The following TMTC1 variants were observed in gnomAD, a reference collection of about 807,000 sequenced individuals.
TMTC1 encodes transmembrane O-mannosyltransferase targeting cadherins 1, also known as protein O-mannosyl-transferase TMTC1.
In TMTC1, 73 loss-of-function variants were observed where a neutral mutation model predicts 104.8. The observed-to-expected ratio is 0.70, with a 90% CI of 0.58 to 0.85. TMTC1 has a LOEUF of 0.85. Ranked by LOEUF, TMTC1 falls within the 40% of genes least tolerant of loss-of-function variation. The pLI, the probability that TMTC1 is intolerant of heterozygous loss-of-function variation, is 0.00. For synonymous variants in TMTC1, 434 were observed against 428.7 expected, an observed-to-expected ratio of 1.01 and a Z score of -0.15; for missense variants, 1,035 against 1,096.1, an observed-to-expected ratio of 0.94 and a Z score of 0.79.
At chr12:29,564,843 TG>T (rs1244410993) in intron 9 of TMTC1, among the ~76,000 whole-genome samples, 1 of 152,000 alleles carries the variant, frequency 6.6e-6, no homozygotes, top group Non-Finnish European at 1.5e-5. Flanking sequence ...TAAATATTAA[TG>T]GGAAAGTGCC....
chr12:29,714,794 C>A (rs753218910), intron 5 of TMTC1, among the ~76,000 whole-genome samples: 20 of 152,098 alleles, frequency 1.3e-4, no homozygotes, highest in Non-Finnish European at 2.8e-4. Flanking sequence ...GGCTCAGACT[C>A]CCCAGGGAAA....
chr12:29,556,773 G>A lies in TMTC1; in HGVS notation c.1676+84C>T, dbSNP rs1945255347. 7 of 1,559,858 alleles carry A rather than the reference G, an allele frequency of 4.5e-6. No individual in the cohort carries two copies. The South Asian group carries it at 4.7e-5, about 10-fold the overall frequency. ...TATTCAGCTCCAGAGAGAGGCAAGT[G>A]CAGCACAATCAAATGAGTGTTGAGA... On this transcript the variant is annotated intron_variant, in intron 10 of 17. Transcript: ENST00000539277.
chr12:29,524,994 G>T (rs1944294523), intron 11 of TMTC1, among the ~76,000 whole-genome samples: 1 of 151,902 alleles, frequency 6.6e-6, no homozygotes, highest in Non-Finnish European at 1.5e-5. Context: ...TCCATGTCTA[G>T]GATGCCATTT....
chr12:29,776,681 T>G (rs1943715720), intron 1 of TMTC1, among the ~76,000 whole-genome samples: 1 of 152,042 alleles, frequency 6.6e-6, no homozygotes, highest in South Asian at 2.1e-4. Flanking sequence ...TACACTGTAG[T>G]GAGGGGAGGT....
chr12:29,614,798 AG>A (rs1359399274), intron 6 of TMTC1, among the ~76,000 whole-genome samples: 1 of 152,252 alleles, frequency 6.6e-6, no homozygotes, highest in Non-Finnish European at 1.5e-5. Flanking sequence ...TTCTTGGAAA[AG>A]TCTTACAAGG....
chr12:29,608,875 T>C (rs965892597), intron 6 of TMTC1, among the ~76,000 whole-genome samples: 11 of 152,198 alleles, frequency 7.2e-5, no homozygotes, highest in Admixed American at 2.6e-4. Context: ...TCCAGCCTAG[T>C]AGCTTCTGGT....
intron 7 of TMTC1, 100 bp from the exon 8 acceptor site, chr12:29,583,674 T>C: frequency 8.9e-7 from 1 of 1,127,896 alleles, no homozygotes; most frequent in Non-Finnish European, 1.2e-6. Context: ...AAGCTTGTCC[T>C]GTGCTAGAGA....
intron 6 of TMTC1, among the ~76,000 whole-genome samples, chr12:29,617,063 A>C (rs1947001405): frequency 6.6e-6 from 1 of 152,142 alleles, no homozygotes; most frequent in East Asian, 1.9e-4. Flanking sequence ...CTCCAAATGC[A>C]CTGTCCTATA....
At chr12:29,568,904 C>T (rs749952617) in intron 9 of TMTC1, 9 of 455,758 alleles carry the variant, frequency 2.0e-5, no homozygotes, top group South Asian at 6.2e-5. Context: ...ACCGAACAGT[C>T]GGAGAGCTCT....
At position 29,504,844 on chromosome 12, in the gene TMTC1, G is replaced by A. The variant is rs74583253; in HGVS notation, c.*2002C>T. 6 of 152,252 alleles carry A rather than the reference G, an allele frequency of 3.9e-5. No homozygotes were observed. The highest frequency in any genetic ancestry group is 2.0e-4 in the Admixed American group (3 of 15,296). 9.4% of individuals were successfully genotyped at this position (152,252 alleles called of 1,614,324 possible). A position where few individuals can be genotyped will look rare whatever the true frequency, so the allele number is the denominator to read the frequency against. The stretch of plus-strand genomic sequence containing the variant: ...ATGAGTTTTCATTACAGATTATTCT[G>A]AAAAGTTGTAATAAAGTCCTAGACA... On this transcript the variant is annotated 3_prime_UTR_variant, in exon 18 of 18. Coordinates refer to ENST00000539277, the MANE Select transcript of TMTC1 (RefSeq NM_001193451.2).
chr12:29,648,196 T>C (rs1303498293), intron 5 of TMTC1, among the ~76,000 whole-genome samples: 2 of 152,170 alleles, frequency 1.3e-5, no homozygotes, highest in Non-Finnish European at 2.9e-5. Context: ...ATAAAAAACA[T>C]GGAAGCAGAA....
At chr12:29,710,479 T>C (rs1037977691) in intron 5 of TMTC1, among the ~76,000 whole-genome samples, 6 of 150,504 alleles carry the variant, frequency 4.0e-5, no homozygotes, top group Non-Finnish European at 7.4e-5. Flanking sequence ...TGTCATGATC[T>C]ACCTGAACCT....
intron 10 of TMTC1, among the ~76,000 whole-genome samples, chr12:29,537,051 T>C (rs1401386897): frequency 6.6e-6 from 1 of 152,208 alleles, no homozygotes; most frequent in African/African-American, 2.4e-5. Context: ...GAGGAGACAT[T>C]GGGTCATTAT....
At chr12:29,746,356 A>C (rs1942955467) in intron 5 of TMTC1, among the ~76,000 whole-genome samples, 1 of 152,218 alleles carries the variant, frequency 6.6e-6, no homozygotes, top group Non-Finnish European at 1.5e-5. Context: ...GTTATTATTC[A>C]TCAATAATAC....
intron 5 of TMTC1, among the ~76,000 whole-genome samples, chr12:29,685,017 A>G (rs1291556058): frequency 2.0e-5 from 3 of 152,120 alleles, no homozygotes; most frequent in Non-Finnish European, 4.4e-5. Context: ...CTAAGAAACT[A>G]CTTTTTAAAA....
At chr12:29,695,042 G>A (rs1177067976) in intron 5 of TMTC1, among the ~76,000 whole-genome samples, 1 of 152,126 alleles carries the variant, frequency 6.6e-6, no homozygotes, top group Non-Finnish European at 1.5e-5. Context: ...CACTCCCTCT[G>A]AAGGCCCTAG....
chr12:29,737,421 G>C (rs1251908429), intron 5 of TMTC1, among the ~76,000 whole-genome samples: 3 of 152,202 alleles, frequency 2.0e-5, no homozygotes, highest in African/African-American at 7.2e-5. Context: ...GGTAGGCTGA[G>C]GAGAATCACT....
chr12:29,563,239 AC>A (rs1461247812), intron 9 of TMTC1, among the ~76,000 whole-genome samples: 1 of 152,196 alleles, frequency 6.6e-6, no homozygotes, highest in Non-Finnish European at 1.5e-5. Context: ...TATGCTCAAG[AC>A]CAAATGGAAT....
chr12:29,540,064 T>C (rs1448343279), intron 10 of TMTC1, among the ~76,000 whole-genome samples: 1 of 152,170 alleles, frequency 6.6e-6, no homozygotes, highest in Non-Finnish European at 1.5e-5. Flanking sequence ...AGTTTTTTTT[T>C]CTATCATCAT....
Sources: allele counts gnomAD v4.1 joint callset (sites outside exome capture counted in the v4.1 genomes callset), GRCh38; gene constraint gnomAD v4.1.1; transcripts MANE v1.5; gene names NCBI Gene and HGNC (gene_info 2026-07-23, HGNC 2026-07-21).